Variants in CHST7 observed in about 807,000 individuals in gnomAD.
CHST7 encodes the protein N-acetylglucosamine 6-O-sulfotransferase 4.
CHST7 carries 5 observed loss-of-function variants against 9.0 expected under a neutral mutation model. The ratio of observed to expected loss-of-function variants is 0.56; its 90% CI spans 0.29 to 1.17. The LOEUF is 1.17. Among genes scored for constraint, CHST7 ranks in the 50% most tolerant of loss-of-function variants. The pLI is 0.08. For missense variants in CHST7, 377 were observed against 485.1 expected, an observed-to-expected ratio of 0.78 and a Z score of 2.09; for synonymous variants, 244 against 237.1, an observed-to-expected ratio of 1.03 and a Z score of -0.27.
At position 46,574,759 on chromosome X, in the gene CHST7, T is replaced by C; in HGVS notation, c.828T>C (p.Leu276=). The C allele has an allele frequency of 8.3e-7, 1 of 1,207,554 alleles. No individual in the cohort carries two copies. The change falls in exon 1 of 2, where the codon CTT becomes CTC. Residue 276 remains leucine, a synonymous_variant. Transcript: ENST00000276055. The stretch of plus-strand genomic sequence containing the variant: ...GCCTCAACCTGAAGGTGGTGCAGCT[T>C]TTCCGCGACCCGAGGGCGGTGCACA... ...DPGLNLKVVQ[L]FRDPRAVHNS...
rs747463197 is a variant in CHST7, at chrX:46,598,248, G to A, written c.*520G>A. On this transcript the variant is annotated 3_prime_UTR_variant, in exon 2 of 2. Coordinates refer to ENST00000276055, the MANE Select transcript of CHST7 (RefSeq NM_019886.4). Reference sequence around the variant, plus strand: ...ATCCAGCTGTCCTTCAAATAGCTCCGTCTCCCTCTACCCAGAACTGATTTT... The same window carrying A: ...ATCCAGCTGTCCTTCAAATAGCTCCATCTCCCTCTACCCAGAACTGATTTT... 1 of 112,338 alleles carries A rather than the reference G, an allele frequency of 8.9e-6. No homozygotes were observed. The highest frequency in any genetic ancestry group is 9.4e-5 in the Admixed American group (1 of 10,588). The allele number at this position is 112,338 out of a possible 1,213,427, so 9.3% of individuals were successfully genotyped here. A position where few individuals can be genotyped will look rare whatever the true frequency, so the allele number is the denominator to read the frequency against.
chrX:46,580,355 G>A (rs755797787), intron 1 of CHST7, among the ~76,000 whole-genome samples: 3 of 111,495 alleles, frequency 2.7e-5, no homozygotes, highest in Non-Finnish European at 3.8e-5. Context: ...ACCGTGCCCA[G>A]CCCAGAATGG....
chrX:46,581,331 G>A (rs1942524362), intron 1 of CHST7, among the ~76,000 whole-genome samples: 1 of 106,973 alleles, frequency 9.3e-6, no homozygotes, highest in Admixed American at 1.0e-4. Flanking sequence ...GCCGAGGCAG[G>A]TGGACCACAA....
intron 1 of CHST7, among the ~76,000 whole-genome samples, chrX:46,581,249 A>AATAAT: frequency 1.1e-5 from 1 of 89,856 alleles, no homozygotes; most frequent in Non-Finnish European, 2.2e-5. Flanking sequence ...AAAAAAAAAA[A>AATAAT]AATAATAATA....
intron 1 of CHST7, among the ~76,000 whole-genome samples, chrX:46,588,967 G>A (rs1197233308): frequency 9.0e-6 from 1 of 111,540 alleles, no homozygotes. Flanking sequence ...TAAACAGAAG[G>A]GTCTATGATT....
chrX:46,581,247 A>AT (rs1458085255), intron 1 of CHST7, among the ~76,000 whole-genome samples: 16 of 91,572 alleles, frequency 1.7e-4, no homozygotes, highest in East Asian at 6.9e-4. Context: ...AAAAAAAAAA[A>AT]AAAATAATAA....
chrX:46,587,528 T>C (rs1036797411), intron 1 of CHST7, among the ~76,000 whole-genome samples: 2 of 112,192 alleles, frequency 1.8e-5, no homozygotes, highest in Non-Finnish European at 3.8e-5. Flanking sequence ...TGTCTGGAAA[T>C]TATGAATAAC....
chrX:46,585,290 CTTTTCT>C (rs1942543964), intron 1 of CHST7, among the ~76,000 whole-genome samples: 3 of 61,934 alleles, frequency 4.8e-5, no homozygotes, highest in Admixed American at 2.2e-4. Flanking sequence ...TTTTTCTTTT[CTTTTCT>C]TTTTTTTTTT....
At chrX:46,592,989 CCTG>C (rs1165087061) in intron 1 of CHST7, among the ~76,000 whole-genome samples, 1 of 108,924 alleles carries the variant, frequency 9.2e-6, no homozygotes, top group Non-Finnish European at 1.9e-5. Context: ...TGGATAATTT[CCTG>C]CTATCTTTCT....
intron 1 of CHST7, among the ~76,000 whole-genome samples, chrX:46,590,763 ACAC>A (rs1057490835): frequency 4.5e-5 from 5 of 111,652 alleles, no homozygotes; most frequent in African/African-American, 1.6e-4. Context: ...ATTTGTGTAA[ACAC>A]CACTACAATC....
intron 1 of CHST7, among the ~76,000 whole-genome samples, chrX:46,584,240 T>C (rs1942537909): frequency 9.0e-6 from 1 of 110,742 alleles, no homozygotes; most frequent in South Asian, 3.8e-4. Context: ...CTTTCTAGAA[T>C]GTTAAAAGGT....
chrX:46,586,884 C>T lies in CHST7; in HGVS notation c.*32-10876C>T, dbSNP rs761034916. 1.5e-4 allele frequency among the ~76,000 whole-genome samples: 17 copies of T among 110,527 alleles called. No individual in the cohort carries two copies. In the East Asian group the frequency reaches 4.6e-3, roughly 30 times the overall value. ...CTGAGTAGCTGGGATTATAGGCATGCACCACCACACCCAGCTAATTTTGTG... is the reference window on the plus strand; with the variant it reads ...CTGAGTAGCTGGGATTATAGGCATGTACCACCACACCCAGCTAATTTTGTG... On this transcript the variant is annotated intron_variant, in intron 1 of 1. Transcript: ENST00000276055.
intron 1 of CHST7, among the ~76,000 whole-genome samples, chrX:46,579,999 A>G (rs1344340125): frequency 9.0e-6 from 1 of 110,943 alleles, no homozygotes; most frequent in Non-Finnish European, 1.9e-5. Context: ...CTCAAAAGAT[A>G]AATAAATATC....
intron 1 of CHST7, among the ~76,000 whole-genome samples, chrX:46,592,663 G>C (rs1317453282): frequency 1.8e-5 from 2 of 111,828 alleles, no homozygotes; most frequent in Admixed American, 1.9e-4. Context: ...GTACCTGGCT[G>C]ATAGAGGTTT....
intron 1 of CHST7, among the ~76,000 whole-genome samples, chrX:46,585,252 CT>C (rs1942543178): frequency 1.9e-5 from 1 of 53,736 alleles, no homozygotes; most frequent in African/African-American, 2.0e-4. Flanking sequence ...CTCCCACTTT[CT>C]CTTTTTTTTC....
At position 46,573,959 on chromosome X, in the gene CHST7, G is replaced by A; in HGVS notation, c.28G>A (p.Glu10Lys). MKGRRRRRR[E>K]YCKFALLLVL... ...GAAGGGCCGGCGGCGGCGACGCCGA[G>A]AGTACTGCAAGTTCGCGCTGCTGTT... Residue 10 changes from glutamate (E) to lysine (K), a missense_variant, in exon 1 of 2, where the codon GAG (glutamate) becomes AAG (lysine). By Grantham distance (56) the Glu-to-Lys change is moderately conservative. Transcript: ENST00000276055. 2 of 1,156,024 alleles carry A rather than the reference G, an allele frequency of 1.7e-6. No homozygotes were observed. The highest frequency in any genetic ancestry group is 2.3e-6 in the Non-Finnish European group (2 of 873,024).
At position 46,595,999 on chromosome X, in the gene CHST7, G is replaced by A. The variant is rs751697706; in HGVS notation, c.*32-1761G>A. Among the ~76,000 whole-genome samples, 9 of 109,834 alleles carry A rather than the reference G, an allele frequency of 8.2e-5. No individual in the cohort carries two copies. The East Asian group carries it at 1.1e-3, about 14-fold the overall frequency. On this transcript the variant is annotated intron_variant, in intron 1 of 1. Transcript: ENST00000276055. ...CTAAAAATACACAAATTAGCTGGGC[G>A]TGGTGGTGCACGCCTGTAATCCCAG...
intron 1 of CHST7, among the ~76,000 whole-genome samples, chrX:46,583,169 A>G (rs1183128849): frequency 8.9e-6 from 1 of 111,837 alleles, no homozygotes; most frequent in African/African-American, 3.3e-5. Flanking sequence ...TTCCAGTTGA[A>G]CAAGGTGACT....
intron 1 of CHST7, among the ~76,000 whole-genome samples, chrX:46,587,362 C>T (rs1942554558): frequency 9.0e-6 from 1 of 110,521 alleles, no homozygotes; most frequent in Non-Finnish European, 1.9e-5. Flanking sequence ...AGAGTTTTGT[C>T]TTTTTGTTTT....
Sources: allele counts gnomAD v4.1 joint callset (sites outside exome capture counted in the v4.1 genomes callset), GRCh38; gene constraint gnomAD v4.1.1; transcripts MANE v1.5; gene names NCBI Gene and HGNC (gene_info 2026-07-23, HGNC 2026-07-21).